DRAXIN: variants seen among roughly 807,000 people sequenced by gnomAD.
The protein encoded by DRAXIN is dorsal repulsive axon guidance protein.
A neutral mutation model predicts 33.9 loss-of-function variants in DRAXIN; 27 were observed. The ratio of observed to expected loss-of-function variants is 0.80; its 90% CI spans 0.59 to 1.10. The LOEUF (loss-of-function observed/expected upper bound fraction) is 1.10, where lower values mean the gene tolerates loss of function less well. Ranked by LOEUF, DRAXIN falls within the 50% of genes least tolerant of loss-of-function variation. The probability of loss-of-function intolerance (pLI) is 0.00; values close to 1 mark genes in which losing one functional copy is unlikely to be tolerated. For synonymous variants in DRAXIN, 178 were observed against 194.0 expected (o/e 0.92, Z 0.69); for missense variants, 371 against 460.8 (o/e 0.81, Z 1.78).
At chr1:11,719,075 A>AT (rs1192140740) in intron 6 of DRAXIN, among the ~76,000 whole-genome samples, 3 of 151,750 alleles carry the variant, frequency 2.0e-5, no homozygotes, top group Non-Finnish European at 2.9e-5. Flanking sequence ...TAGTTTTTGT[A>AT]TTTTTTTAAG....
chr1:11,700,530 G>A (rs1238036429), intron 1 of DRAXIN, among the ~76,000 whole-genome samples: 6 of 152,224 alleles, frequency 3.9e-5, no homozygotes, highest in African/African-American at 1.4e-4. Context: ...ATTCGAGAGT[G>A]TCTGTTATTT....
intron 3 of DRAXIN, among the ~76,000 whole-genome samples, chr1:11,711,470 G>C (rs1434599249): frequency 6.6e-6 from 1 of 152,234 alleles, no homozygotes; most frequent in East Asian, 1.9e-4. Context: ...GAGAGAGGAA[G>C]GGATGGGAAA....
Position 11,694,096 on chromosome 1 carries a change from T to C in DRAXIN, c.-11+2243T>C, listed in dbSNP as rs939066785. 2.6e-5 allele frequency among the ~76,000 whole-genome samples: 4 copies of C among 152,102 alleles called. No homozygotes were observed. Among genetic ancestry groups the C allele is most frequent in the Non-Finnish European group, 5.9e-5 (4 of 68,020 alleles). ...TCTCCTGTGGGAAGCACCCCGGCAC[T>C]CCCTTGCCTCCCTAGCTCTTGTGAA... On this transcript the variant is annotated intron_variant, in intron 1 of 6. Transcript: ENST00000294485. The surrounding 1 kb of genome is among the most constrained non-coding windows in gnomAD (Gnocchi z 4.9).
intron 1 of DRAXIN, among the ~76,000 whole-genome samples, chr1:11,700,875 G>A (rs564708309): frequency 1.2e-4 from 18 of 152,316 alleles, no homozygotes; most frequent in African/African-American, 4.3e-4. Flanking sequence ...AGGAATGCTG[G>A]TCCGACAGCT....
chr1:11,693,672 T>C (rs566993732), intron 1 of DRAXIN, among the ~76,000 whole-genome samples: 20 of 152,282 alleles, frequency 1.3e-4, no homozygotes, highest in Admixed American at 1.2e-3. Context: ...AAATCCGACC[T>C]GGCAGACAGG....
In DRAXIN at chr1:11,706,539, AG is replaced by A; in HGVS notation, c.285del (p.Leu96CysfsTer51). The A allele has an allele frequency of 6.2e-7, 1 of 1,611,492 alleles. No individual in the cohort carries two copies. Among genetic ancestry groups the A allele is most frequent in the South Asian group, 1.1e-5 (1 of 90,850 alleles). On this transcript the variant is annotated frameshift_variant, in exon 2 of 7. Transcript: ENST00000294485. LOFTEE classifies it high-confidence loss of function. This position sits in a 1 kb window ranked among gnomAD's most constrained non-coding sequence, Gnocchi z 5.5. ...CAGGCCTCCAGGCTGCCAGAGGCTG[AG>A]GGGCTGCTGCCTGAGCAGAGTCCTG... is the stretch of plus-strand genomic sequence containing the variant. ...TRQASRLPEA[E>X]GLLPEQSPAG...
chr1:11,697,733 C>T (rs1027899875), intron 1 of DRAXIN, among the ~76,000 whole-genome samples: 3 of 152,136 alleles, frequency 2.0e-5, no homozygotes, highest in African/African-American at 2.4e-5. Flanking sequence ...CTCTCCCCTG[C>T]GATCTCCATC....
In DRAXIN at chr1:11,704,157, A is replaced by G. The variant is rs1641342773; in HGVS notation, c.-10-2092A>G. On this transcript the variant is annotated intron_variant, in intron 1 of 6. Coordinates refer to ENST00000294485, the MANE Select transcript of DRAXIN (RefSeq NM_198545.4). The surrounding 1 kb of genome is among the most constrained non-coding windows in gnomAD (Gnocchi z 4.6). Reference sequence around the variant, plus strand: ...CCTCATTCCCCTCAACCCCCAGGACAAGGAGGAGGTGGTGATTCCTTTCAT... The same window carrying G: ...CCTCATTCCCCTCAACCCCCAGGACGAGGAGGAGGTGGTGATTCCTTTCAT... Among the ~76,000 whole-genome samples the G allele has an allele frequency of 6.6e-6, 1 of 152,042 alleles. No homozygotes were observed.
intron 3 of DRAXIN, among the ~76,000 whole-genome samples, chr1:11,710,090 C>T (rs2100739648): frequency 6.6e-6 from 1 of 151,362 alleles, no homozygotes; most frequent in East Asian, 2.0e-4. Context: ...GAGGCTGAGG[C>T]AGGAGAATCG....
intron 6 of DRAXIN, 43 bp from the exon 7 acceptor site, chr1:11,719,541 G>T (rs373587400): frequency 6.5e-7 from 1 of 1,533,440 alleles, no homozygotes; most frequent in African/African-American, 1.4e-5. Flanking sequence ...GGGAGGGCAC[G>T]GGCCCTTCGC....
At chr1:11,716,621 G>T (rs923327545) in intron 6 of DRAXIN, among the ~76,000 whole-genome samples, 16 of 151,914 alleles carry the variant, frequency 1.1e-4, no homozygotes, top group African/African-American at 3.4e-4. Flanking sequence ...TCTTAAAAAT[G>T]ATGATAATAC....
At position 11,723,905 on chromosome 1, in the gene DRAXIN, A is replaced by G. The variant is rs1297351573; in HGVS notation, c.*4209A>G. The G allele has an allele frequency of 3.3e-5, 5 of 152,150 alleles. No individual in the cohort carries two copies. The East Asian group carries it at 9.6e-4, about 29-fold the overall frequency. The allele number at this position is 152,150 out of a possible 1,614,324, so 9.4% of individuals were successfully genotyped here. ...AGCATGCCTGGCCTGTGAACGCAGA[A>G]TTCTTATAAGGTGTTTAGAACAGTG... On this transcript the variant is annotated 3_prime_UTR_variant, in exon 7 of 7. Transcript: ENST00000294485.
At chr1:11,701,014 C>T (rs908520380) in intron 1 of DRAXIN, among the ~76,000 whole-genome samples, 1 of 152,192 alleles carries the variant, frequency 6.6e-6, no homozygotes, top group Non-Finnish European at 1.5e-5. Flanking sequence ...AAAGCTGACT[C>T]CAGGCTCGAT....
chr1:11,698,389 C>T (rs1641224912), intron 1 of DRAXIN, among the ~76,000 whole-genome samples: 2 of 152,190 alleles, frequency 1.3e-5, no homozygotes, highest in Admixed American at 6.5e-5. Context: ...GGGGCCGGGG[C>T]TCCAGGAAGC....
rs1365348776 is a variant in DRAXIN at position 11,696,643 on chromosome 1, A to G, written c.-11+4790A>G. Among the ~76,000 whole-genome samples the G allele has an allele frequency of 2.6e-5, 4 of 152,116 alleles. No individual in the cohort carries two copies. The highest frequency in any genetic ancestry group is 5.9e-5 in the Non-Finnish European group (4 of 67,980). ...GCCAAAGCGAGCAGGTCACGAGGTC[A>G]AGAGATCGAGAACATCCTAATCAAC... is the stretch of plus-strand genomic sequence containing the variant. On this transcript the variant is annotated intron_variant, in intron 1 of 6. Transcript: ENST00000294485. The surrounding 1 kb of genome is among the most constrained non-coding windows in gnomAD (Gnocchi z 4.7).
chr1:11,718,633 A>G (rs773473876), intron 6 of DRAXIN, among the ~76,000 whole-genome samples: 5 of 151,990 alleles, frequency 3.3e-5, no homozygotes, highest in Non-Finnish European at 7.4e-5. Context: ...ATGCCTGGCT[A>G]ATTTTTACAT....
rs1023686885 is a variant in DRAXIN, at chr1:11,693,053, C to T, written c.-11+1200C>T. Among the ~76,000 whole-genome samples, 9 of 152,074 alleles carry T rather than the reference C, an allele frequency of 5.9e-5. No homozygotes were observed. The East Asian group carries it at 1.7e-3, about 30-fold the overall frequency. Reference sequence around the variant, plus strand: ...GGCTTAGAGACACTTCAGAGTAACCCCACCACCACAGCCTCTTCCCCCATC... The same window carrying T: ...GGCTTAGAGACACTTCAGAGTAACCTCACCACCACAGCCTCTTCCCCCATC... On this transcript the variant is annotated intron_variant, in intron 1 of 6. Transcript: ENST00000294485.
intron 1 of DRAXIN, among the ~76,000 whole-genome samples, chr1:11,698,006 C>T (rs539900109): frequency 1.2e-3 from 179 of 152,202 alleles, no homozygotes; most frequent in African/African-American, 4.1e-3. Context: ...CCCGCCCCAT[C>T]CTCTATGCCA....
chr1:11,709,553 G>T, intron 3 of DRAXIN, 88 bp downstream of exon 3: 1 of 1,410,068 alleles, frequency 7.1e-7, no homozygotes, highest in Non-Finnish European at 9.4e-7. Context: ...GGGAGACTGA[G>T]GCACGGGGGC....
Sources: gnomAD v4.1 joint callset for allele counts (sites outside exome capture counted in the v4.1 genomes callset) on GRCh38, gnomAD v4.1.1 for gene constraint, Gnocchi (gnomAD v3.1) non-coding constraint, MANE v1.5 for transcripts, NCBI Gene and HGNC (gene_info 2026-07-23, HGNC 2026-07-21) for gene names.